The following TAFA1 variants were observed in gnomAD, a reference collection of about 807,000 sequenced individuals.
TAFA1 encodes the protein chemokine-like protein TAFA-1.
TAFA1 carries 4 observed loss-of-function variants against 18.5 expected under a neutral mutation model. That is an observed-to-expected ratio of 0.22 (90% CI 0.11 to 0.49). The LOEUF (loss-of-function observed/expected upper bound fraction) is 0.49. TAFA1 is among the 20% of genes least tolerant of loss of function. The pLI is 0.98. For missense variants in TAFA1, 147 were observed against 169.0 expected (o/e 0.87, Z 0.72); for synonymous variants, 56 against 55.2 (o/e 1.01, Z -0.06).
At chr3:68,120,135 C>T (rs2065371083) in intron 2 of TAFA1, among the ~76,000 whole-genome samples, 1 of 151,910 alleles carries the variant, frequency 6.6e-6, no homozygotes, top group Non-Finnish European at 1.5e-5. Context: ...TAGTAAGCCT[C>T]CATATTTCAT....
At chr3:68,251,614 A>G (rs2067197724) in intron 2 of TAFA1, among the ~76,000 whole-genome samples, 1 of 152,218 alleles carries the variant, frequency 6.6e-6, no homozygotes, top group South Asian at 2.1e-4. Context: ...ACATTTAAGC[A>G]GAGACCTAAA....
intron 2 of TAFA1, among the ~76,000 whole-genome samples, chr3:68,190,622 GCAGGTGCCCAT>G (rs2107011756): frequency 6.6e-6 from 1 of 151,874 alleles, no homozygotes; most frequent in South Asian, 2.1e-4. Context: ...TGTGTTTTCA[GCAGGTGCCCAT>G]GGGATTCTGC....
At chr3:68,172,877 G>C (rs2066074169) in intron 2 of TAFA1, among the ~76,000 whole-genome samples, 1 of 152,156 alleles carries the variant, frequency 6.6e-6, no homozygotes, top group African/African-American at 2.4e-5. Context: ...GGGAGGAATA[G>C]AGAGTGACTG....
intron 2 of TAFA1, among the ~76,000 whole-genome samples, chr3:68,131,155 A>G (rs1410124617): frequency 1.3e-5 from 2 of 152,202 alleles, no homozygotes; most frequent in African/African-American, 4.8e-5. Flanking sequence ...TGCACCATAT[A>G]TAACTAGTCA....
intron 3 of TAFA1, among the ~76,000 whole-genome samples, chr3:68,432,388 T>C (rs1353590680): frequency 6.6e-6 from 1 of 152,048 alleles, no homozygotes; most frequent in Non-Finnish European, 1.5e-5. Flanking sequence ...TCTCCATGCA[T>C]ATTGTGAGCC....
intron 2 of TAFA1, among the ~76,000 whole-genome samples, chr3:68,310,534 T>C (rs1033979992): frequency 1.3e-5 from 2 of 152,202 alleles, no homozygotes; most frequent in African/African-American, 2.4e-5. Flanking sequence ...GTTTATATTG[T>C]TGAAGTAGTT....
In TAFA1 at chr3:68,053,353, G is replaced by A. The variant is rs73837267; in HGVS notation, c.118+46609G>A. On this transcript the variant is annotated intron_variant, in intron 2 of 4. Transcript: ENST00000478136. ...TAGGTTGCCTATTTAAATCTTAACA[G>A]ATGTGATAAAGACCTTAATCTACAT... 8.3e-3 allele frequency among the ~76,000 whole-genome samples: 1,266 copies of A among 152,126 alleles called. 13 individuals carry two copies. Among genetic ancestry groups the A allele is most frequent in the African/African-American group, 0.027 (1,116 of 41,512 alleles).
chr3:68,405,252 A>G (rs931602999), intron 2 of TAFA1, among the ~76,000 whole-genome samples: 3 of 152,172 alleles, frequency 2.0e-5, no homozygotes, highest in Non-Finnish European at 4.4e-5. Context: ...AAAGAAGTTA[A>G]TGATTATTGT....
intron 3 of TAFA1, among the ~76,000 whole-genome samples, chr3:68,471,471 C>T (rs1275504893): frequency 6.6e-6 from 1 of 152,168 alleles, no homozygotes; most frequent in African/African-American, 2.4e-5. Context: ...CCCTGAAAAA[C>T]CAGAGGGGTG....
rs562148463 is a variant in TAFA1, at chr3:68,446,363, A to G, written c.259+28943A>G. Among the ~76,000 whole-genome samples, 257 of 152,256 alleles carry G rather than the reference A, an allele frequency of 1.7e-3. 1 individual carries two copies. The highest frequency in any genetic ancestry group is 1.9e-3 in the Non-Finnish European group (126 of 68,018). On this transcript the variant is annotated intron_variant, in intron 3 of 4. Transcript: ENST00000478136. ...CTTAATATCTGTTCCTTTACAGAAA[A>G]AGTTTGCTGATCCCTAGATAAAGAA...
chr3:68,135,900 A>G (rs1196685429), intron 2 of TAFA1, among the ~76,000 whole-genome samples: 1 of 152,146 alleles, frequency 6.6e-6, no homozygotes, highest in African/African-American at 2.4e-5. Flanking sequence ...ATATAAATGT[A>G]TTTCTTTTCA....
At chr3:68,026,709 G>A (rs1366796085) in intron 2 of TAFA1, among the ~76,000 whole-genome samples, 1 of 152,110 alleles carries the variant, frequency 6.6e-6, no homozygotes, top group Admixed American at 6.5e-5. Context: ...AACCCAGGCA[G>A]TCTCAGTCTG....
chr3:68,535,027 C>T (rs150921441), intron 3 of TAFA1, among the ~76,000 whole-genome samples: 25 of 152,170 alleles, frequency 1.6e-4, no homozygotes, highest in African/African-American at 5.8e-4. Flanking sequence ...CAAAGGGTTT[C>T]CATTCTTGAT....
At chr3:68,262,767 T>C (rs1304622890) in intron 2 of TAFA1, among the ~76,000 whole-genome samples, 1 of 152,120 alleles carries the variant, frequency 6.6e-6, no homozygotes, top group Non-Finnish European at 1.5e-5. Context: ...CTTTTTAGCA[T>C]AGTGATCTAC....
chr3:68,443,473 C>CAAAAA (rs56944130), intron 3 of TAFA1, among the ~76,000 whole-genome samples: 8 of 96,098 alleles, frequency 8.3e-5, no homozygotes, highest in African/African-American at 2.7e-4. Flanking sequence ...GGGCAATTTA[C>CAAAAA]AAAAAAAAAA....
chr3:68,061,039 T>C (rs2064596012), intron 2 of TAFA1, among the ~76,000 whole-genome samples: 1 of 152,176 alleles, frequency 6.6e-6, no homozygotes, highest in Admixed American at 6.5e-5. Flanking sequence ...TCTCTGGATC[T>C]CTTTCTCAGC....
At chr3:68,048,275 G>A (rs2064418475) in intron 2 of TAFA1, among the ~76,000 whole-genome samples, 3 of 151,982 alleles carry the variant, frequency 2.0e-5, no homozygotes, top group Admixed American at 2.0e-4. Context: ...GCTTATGGCA[G>A]GGCTGTCATG....
chr3:68,417,898 G>A (rs959604582), intron 3 of TAFA1, among the ~76,000 whole-genome samples: 1 of 152,074 alleles, frequency 6.6e-6, no homozygotes, highest in Non-Finnish European at 1.5e-5. Flanking sequence ...GAGAGCCAAG[G>A]GGGAGGTACT....
intron 2 of TAFA1, among the ~76,000 whole-genome samples, chr3:68,152,730 A>G (rs1266392156): frequency 1.3e-5 from 2 of 152,044 alleles, no homozygotes; most frequent in African/African-American, 2.4e-5. Flanking sequence ...GCACTTCCAA[A>G]GTGGTGATGA....
Sources: gnomAD v4.1 joint callset for allele counts (sites outside exome capture counted in the v4.1 genomes callset) on GRCh38, gnomAD v4.1.1 for gene constraint, MANE v1.5 for transcripts, NCBI Gene and HGNC (gene_info 2026-07-23, HGNC 2026-07-21) for gene names.